PSMD6: variants seen among roughly 807,000 people sequenced by gnomAD.
PSMD6 encodes the protein proteasome 26S subunit, non-ATPase 6.
In PSMD6, 7 loss-of-function variants were observed where a neutral mutation model predicts 44.9. That is an observed-to-expected ratio of 0.16 (90% CI 0.09 to 0.29). The LOEUF is 0.29. Among genes scored for constraint, PSMD6 ranks in the 10% least tolerant of loss-of-function variants. The pLI, the probability that PSMD6 is intolerant of heterozygous loss-of-function variation, is 1.00. For synonymous variants in PSMD6, 184 were observed against 172.7 expected (o/e 1.07, Z -0.51); for missense variants, 420 against 482.6 (o/e 0.87, Z 1.21).
chr3:64,013,359 CAAGT>C (rs990137926), intron 6 of PSMD6, 76 bp downstream of exon 6: 7 of 1,365,938 alleles, frequency 5.1e-6, no homozygotes, highest in African/African-American at 1.5e-5. Flanking sequence ...CCAATGTAAA[CAAGT>C]AAAAAATTGT....
In PSMD6 at chr3:64,010,938, A is replaced by G; in HGVS notation, c.1013T>C (p.Ile338Thr). 6.2e-7 allele frequency: 1 copy of G among 1,608,768 alleles called. No individual in the cohort carries two copies. The highest frequency in any genetic ancestry group is 1.7e-5 in the Admixed American group (1 of 59,594). ...TTTGCAGTGTAGTCTCCCGGCAGCA[A>G]TAAACCTGGACAGTTCCCTAATTTA... ...EFIDQELSRF[I>T]AAGRLHCKID... Residue 338 changes from isoleucine to threonine, a missense_variant, in exon 7 of 8, where the codon ATT becomes ACT. Physicochemically the swap from Ile to Thr is moderately conservative, Grantham distance 89. Coordinates refer to ENST00000295901, the MANE Select transcript of PSMD6 (RefSeq NM_014814.3).
chr3:64,011,466 AAAAGGGGATTTCATCT>A (rs1576022295), intron 6 of PSMD6: 1 of 148,278 alleles, frequency 6.7e-6, no homozygotes. Context: ...CCCATTTTAA[AAAAGGGGATTTCATCT>A]AAAATGTAAC....
chr3:64,017,500 TGAGTGATGACCAGG>T, intron 5 of PSMD6: 1 of 152,302 alleles, frequency 6.6e-6, no homozygotes, highest in South Asian at 2.1e-4. Flanking sequence ...ATATTTGAGT[TGAGTGATGACCAGG>T]AGACCTCAAG....
intron 2 of PSMD6, among the ~76,000 whole-genome samples, chr3:64,020,902 G>A (rs978511333): frequency 4.0e-5 from 6 of 151,894 alleles, no homozygotes; most frequent in African/African-American, 1.5e-4. Flanking sequence ...AATACTTCCA[G>A]GCAAATAATT....
intron 2 of PSMD6, 39 bp from the exon 3 acceptor site, chr3:64,019,480 C>A (rs763265066): frequency 6.3e-7 from 1 of 1,578,676 alleles, no homozygotes; most frequent in Admixed American, 2.0e-5. Flanking sequence ...GAAAAGGCTA[C>A]AAGTTTCCAA....
chr3:64,020,089 A>C (rs780171587), intron 2 of PSMD6, among the ~76,000 whole-genome samples: 1 of 152,236 alleles, frequency 6.6e-6, no homozygotes, highest in Non-Finnish European at 1.5e-5. Context: ...TAGGAGAAAT[A>C]GATAATTCTA....
intron 7 of PSMD6, 37 bp downstream of exon 7, chr3:64,010,841 A>G: frequency 6.3e-7 from 1 of 1,579,682 alleles, no homozygotes; most frequent in Non-Finnish European, 8.7e-7. Context: ...TACTTTTAAA[A>G]TTTAGGAATG....
intron 1 of PSMD6, chr3:64,022,799 A>T: frequency 6.5e-7 from 1 of 1,536,218 alleles, no homozygotes; most frequent in South Asian, 1.2e-5. Flanking sequence ...CTGTTCCAAA[A>T]GTCTTCAAAC....
chr3:64,019,052 C>T lies in PSMD6; in HGVS notation c.498-15G>A, dbSNP rs147177356. Reference sequence around the variant, plus strand: ...CTTCTATTAAGCTATGAAATAAAAACAGTAAGATCATAGTCTGGAAACAGA... The same window carrying T: ...CTTCTATTAAGCTATGAAATAAAAATAGTAAGATCATAGTCTGGAAACAGA... On this transcript the variant is annotated splice_polypyrimidine_tract_variant and intron_variant, in intron 3 of 7. Transcript: ENST00000295901. 1.7e-4 allele frequency: 269 copies of T among 1,575,768 alleles called. 1 individual carries two copies. Among genetic ancestry groups the T allele is most frequent in the Middle Eastern group, 1.2e-3 (7 of 5,992 alleles).
rs148897671 is a variant in PSMD6 at position 64,017,158 on chromosome 3, A to C, written c.826+1441T>G. ...TGCCAGGGGCTGGGGGAAAGGAGTAATAGGGAGTGACTGCTAATGGGTGTC... is the reference window on the plus strand; with the variant it reads ...TGCCAGGGGCTGGGGGAAAGGAGTACTAGGGAGTGACTGCTAATGGGTGTC... On this transcript the variant is annotated intron_variant, in intron 5 of 7. Coordinates refer to ENST00000295901, the MANE Select transcript of PSMD6 (RefSeq NM_014814.3). 985 of 152,502 alleles carry C rather than the reference A, an allele frequency of 6.5e-3. 9 individuals carry two copies. Among genetic ancestry groups the C allele is most frequent in the African/African-American group, 0.022 (910 of 41,566 alleles). The allele number at this position is 152,502 out of a possible 1,614,324, so 9.4% of individuals were successfully genotyped here.
intron 2 of PSMD6, among the ~76,000 whole-genome samples, chr3:64,020,122 A>G (rs1367063298): frequency 6.6e-6 from 1 of 152,204 alleles, no homozygotes; most frequent in African/African-American, 2.4e-5. Context: ...TGAAAATAAC[A>G]GGTGAACCTG....
At chr3:64,016,400 A>T (rs987738273) in intron 5 of PSMD6, 3 of 151,970 alleles carry the variant, frequency 2.0e-5, no homozygotes, top group African/African-American at 7.3e-5. Context: ...TTTCCAATTG[A>T]ATTATTTTAG....
chr3:64,022,341 A>G lies in PSMD6; in HGVS notation c.328T>C (p.Tyr110His). ...ACTTTGTCACCTATCCGGCAGAGGT[A>G]CTCGGCCTTTGCCATCATTGCATCG... ...IRDAMMAKAE[Y>H]LCRIGDKEGA... Residue 110 changes from tyrosine (Y) to histidine (H), a missense_variant, in exon 2 of 8, where the codon TAC becomes CAC. Around this residue, in one of 4 missense-constraint regions of PSMD6, gnomAD observed 216 missense variants for 227.0 expected, o/e 0.95. Coordinates refer to ENST00000295901, the MANE Select transcript of PSMD6 (RefSeq NM_014814.3). 1 of 1,614,226 alleles carries G rather than the reference A, an allele frequency of 6.2e-7. No homozygotes were observed. The highest frequency in any genetic ancestry group is 8.5e-7 in the Non-Finnish European group (1 of 1,180,046).
Position 64,013,426 on chromosome 3 carries a change from T to TATTC in PSMD6, c.995+9_995+12dup. ...TTTAAAACTTCAATTAACATGGCAT[T>TATTC]ATTCAAACTTACTGATCAATGAATT... is the stretch of plus-strand genomic sequence containing the variant. On this transcript the variant is annotated intron_variant, in intron 6 of 7. Transcript: ENST00000295901. 1 of 1,541,546 alleles carries TATTC rather than the reference T, an allele frequency of 6.5e-7. No homozygotes were observed. The highest frequency in any genetic ancestry group is 8.7e-7 in the Non-Finnish European group (1 of 1,145,284).
rs1559671374 is a variant in PSMD6 at position 64,010,606 on chromosome 3, A to G, written c.*62T>C. On this transcript the variant is annotated 3_prime_UTR_variant, in exon 8 of 8. Transcript: ENST00000295901. ...TACAGCTGACCTGGGCACATTGTGA[A>G]GTAAGCTATAAAAATTCCAAATAAT... 2 of 1,209,580 alleles carry G rather than the reference A, an allele frequency of 1.7e-6. No individual in the cohort carries two copies. The highest frequency in any genetic ancestry group is 4.8e-5 in the East Asian group (2 of 41,648). The allele number at this position is 1,209,580 out of a possible 1,614,324, so 74.9% of individuals were successfully genotyped here. A position where few individuals can be genotyped will look rare whatever the true frequency, so the allele number is the denominator to read the frequency against.
chr3:64,013,832 A>G (rs796232307), intron 5 of PSMD6: 19 of 378,568 alleles, frequency 5.0e-5, no homozygotes, highest in East Asian at 3.7e-4. Context: ...ATTTGACATC[A>G]CTATCAGAGC....
chr3:64,016,723 G>C (rs2076049808), intron 5 of PSMD6: 1 of 152,144 alleles, frequency 6.6e-6, no homozygotes, highest in Non-Finnish European at 1.5e-5. Flanking sequence ...CCCTCACACA[G>C]CTGATGGGAA....
rs1290065438 is a variant in PSMD6 at position 64,019,320 on chromosome 3, G to T, written c.473C>A (p.Thr158Lys). ...GLFYMDNDLI[T>K]RNTEKAKSLI... Reference sequence around the variant, plus strand: ...CCTTTTGGCCTTTTCTGTGTTTCGTGTGATGAGATCATTATCCATATAAAA... The same window carrying T: ...CCTTTTGGCCTTTTCTGTGTTTCGTTTGATGAGATCATTATCCATATAAAA... The change falls in exon 3 of 8, where the codon ACA becomes AAA. Residue 158 changes from threonine (T) to lysine (K), a missense_variant. Thr to Lys is a moderately conservative substitution (Grantham distance 78). Coordinates refer to ENST00000295901, the MANE Select transcript of PSMD6 (RefSeq NM_014814.3). The T allele has an allele frequency of 6.3e-7, 1 of 1,588,936 alleles. No homozygotes were observed. Among genetic ancestry groups the T allele is most frequent in the South Asian group, 1.1e-5 (1 of 90,406 alleles).
Position 64,018,992 on chromosome 3 carries a change from T to C in PSMD6, c.543A>G (p.Lys181=), listed in dbSNP as rs962558804. ...CCACACAATAAAGACCCTGATACAC[T>C]TTTAGGCGGTTTCTCCTGTCCCAGT... The part of the protein sequence containing the change: ...GGDWDRRNRL[K]VYQGLYCVAI... Residue 181 remains lysine, a synonymous_variant, in exon 4 of 8, where the codon AAA becomes AAG. Transcript: ENST00000295901. 7 of 1,612,378 alleles carry C rather than the reference T, an allele frequency of 4.3e-6. No individual in the cohort carries two copies. The highest frequency in any genetic ancestry group is 1.3e-5 in the African/African-American group (1 of 74,878).
Sources: allele counts gnomAD v4.1 joint callset (sites outside exome capture counted in the v4.1 genomes callset), GRCh38; gene constraint gnomAD v4.1.1; regional missense constraint gnomAD v4.1.1; transcripts MANE v1.5; gene names NCBI Gene and HGNC (gene_info 2026-07-23, HGNC 2026-07-21).